ATXN1: variants seen among roughly 807,000 people sequenced by gnomAD.
The protein encoded by ATXN1 is ataxin 1.
A neutral mutation model predicts 56.4 loss-of-function variants in ATXN1; 8 were observed. The ratio of observed to expected loss-of-function variants is 0.14; its 90% CI spans 0.08 to 0.26. The LOEUF is 0.26. Ranked by LOEUF, ATXN1 falls within the 10% of genes least tolerant of loss-of-function variation. The pLI, the probability that ATXN1 is intolerant of heterozygous loss-of-function variation, is 1.00. For synonymous variants in ATXN1, 514 were observed against 494.6 expected, an observed-to-expected ratio of 1.04 and a Z score of -0.52; for missense variants, 987 against 1,106.5, an observed-to-expected ratio of 0.89 and a Z score of 1.53.
intron 1 of ATXN1, among the ~76,000 whole-genome samples, chr6:16,758,637 A>G (rs960480638): frequency 1.3e-5 from 2 of 152,246 alleles, no homozygotes; most frequent in African/African-American, 2.4e-5. Flanking sequence ...TTCAGGCACA[A>G]GACAAACCCA....
intron 6 of ATXN1, among the ~76,000 whole-genome samples, chr6:16,457,962 T>TG (rs1320216082): frequency 2.0e-5 from 3 of 152,200 alleles, no homozygotes; most frequent in African/African-American, 7.2e-5. Context: ...AAGGTAGACC[T>TG]GGGAAAGTTT....
chr6:16,458,624 A>T (rs1759928310), intron 6 of ATXN1, among the ~76,000 whole-genome samples: 1 of 152,208 alleles, frequency 6.6e-6, no homozygotes, highest in Non-Finnish European at 1.5e-5. Context: ...AGCCTCAGTC[A>T]TGGCCCTCAG....
At chr6:16,522,425 G>A (rs187519127) in intron 5 of ATXN1, among the ~76,000 whole-genome samples, 9 of 152,192 alleles carry the variant, frequency 5.9e-5, no homozygotes, top group East Asian at 1.9e-4. Context: ...AAAAGAAATC[G>A]CAGAAAAATC....
chr6:16,575,191 G>T (rs1286023916), intron 4 of ATXN1, among the ~76,000 whole-genome samples: 1 of 151,920 alleles, frequency 6.6e-6, no homozygotes, highest in Non-Finnish European at 1.5e-5. Context: ...AAATGTTTGG[G>T]GTAGGGATAT....
chr6:16,387,770 G>A (rs545304421), intron 6 of ATXN1, among the ~76,000 whole-genome samples: 75 of 152,198 alleles, frequency 4.9e-4, no homozygotes, highest in Middle Eastern at 3.4e-3. Flanking sequence ...ATAAAATATC[G>A]AATCAGGCTA....
chr6:16,630,652 T>C (rs764231745), intron 3 of ATXN1, among the ~76,000 whole-genome samples: 2 of 152,208 alleles, frequency 1.3e-5, no homozygotes, highest in Non-Finnish European at 2.9e-5. Flanking sequence ...AAGCAATGCA[T>C]TATTAAAATG....
At chr6:16,521,944 G>T (rs988744231) in intron 5 of ATXN1, among the ~76,000 whole-genome samples, 1 of 152,206 alleles carries the variant, frequency 6.6e-6, no homozygotes, top group African/African-American at 2.4e-5. Context: ...ATCAGTATCA[G>T]TCTTGACCCT....
chr6:16,611,631 C>T (rs1040308253), intron 3 of ATXN1, among the ~76,000 whole-genome samples: 1 of 152,016 alleles, frequency 6.6e-6, no homozygotes, highest in South Asian at 2.1e-4. Context: ...AGTTTTACAA[C>T]TGTTAATACA....
At chr6:16,609,890 G>A (rs1019301267) in intron 3 of ATXN1, among the ~76,000 whole-genome samples, 5 of 152,052 alleles carry the variant, frequency 3.3e-5, no homozygotes, top group African/African-American at 7.2e-5. Context: ...AGACTTAGGC[G>A]TGAATGACAA....
At chr6:16,463,072 A>G (rs367596599) in intron 6 of ATXN1, among the ~76,000 whole-genome samples, 3 of 152,192 alleles carry the variant, frequency 2.0e-5, no homozygotes, top group East Asian at 1.9e-4. Context: ...TTTTTCTCCA[A>G]TGGGAAAATA....
chr6:16,448,707 C>A (rs895997637), intron 6 of ATXN1, among the ~76,000 whole-genome samples: 2 of 152,172 alleles, frequency 1.3e-5, no homozygotes, highest in Admixed American at 6.5e-5. Flanking sequence ...CCACCCTGTG[C>A]AACAATGCTC....
intron 3 of ATXN1, among the ~76,000 whole-genome samples, chr6:16,617,766 CAAAAA>C (rs397975811): frequency 1.1e-5 from 1 of 89,470 alleles, no homozygotes; most frequent in East Asian, 3.2e-4. Flanking sequence ...AACTCTGTCT[CAAAAA>C]AAAAAAAAAA....
intron 5 of ATXN1, among the ~76,000 whole-genome samples, chr6:16,494,878 A>C (rs1581800438): frequency 6.6e-6 from 1 of 152,196 alleles, no homozygotes; most frequent in East Asian, 1.9e-4. Context: ...GTAGCACAAC[A>C]GAAAGAACAG....
intron 6 of ATXN1, among the ~76,000 whole-genome samples, chr6:16,359,566 G>A (rs1331846556): frequency 2.0e-5 from 3 of 152,074 alleles, no homozygotes; most frequent in Non-Finnish European, 4.4e-5. Context: ...GAGACCTGCA[G>A]AATGACTTGC....
chr6:16,461,261 T>G (rs1554149561), intron 6 of ATXN1, among the ~76,000 whole-genome samples: 1 of 152,120 alleles, frequency 6.6e-6, no homozygotes, highest in Non-Finnish European at 1.5e-5. Context: ...GGGGGCATAG[T>G]TTTCTCCCCT....
intron 2 of ATXN1, among the ~76,000 whole-genome samples, chr6:16,683,793 T>G (rs545821667): frequency 6.6e-6 from 1 of 152,314 alleles, no homozygotes; most frequent in South Asian, 2.1e-4. Flanking sequence ...CCATGGGTAT[T>G]AACACTCCAG....
At chr6:16,603,657 A>G (rs1762950725) in intron 3 of ATXN1, among the ~76,000 whole-genome samples, 3 of 152,214 alleles carry the variant, frequency 2.0e-5, no homozygotes, top group African/African-American at 7.2e-5. Context: ...AAACACTGGC[A>G]GAAGTTTAGA....
chr6:16,301,509 T>C lies in ATXN1; in HGVS notation c.*4820A>G, dbSNP rs1436577961. The C allele has an allele frequency of 6.6e-6, 1 of 152,484 alleles. No homozygotes were observed. Among genetic ancestry groups the C allele is most frequent in the Admixed American group, 6.6e-5 (1 of 15,266 alleles). The allele number at this position is 152,484 out of a possible 1,614,324, so 9.4% of individuals were successfully genotyped here. On this transcript the variant is annotated 3_prime_UTR_variant, in exon 8 of 8. Coordinates refer to ENST00000436367, the MANE Select transcript of ATXN1 (RefSeq NM_001128164.2). ...ATAAAAAAGTATATTCTCTGTATAT[T>C]TATTACTTGATGTGTTCTTAAATTC...
At chr6:16,497,640 T>C (rs1351772350) in intron 5 of ATXN1, among the ~76,000 whole-genome samples, 1 of 152,224 alleles carries the variant, frequency 6.6e-6, no homozygotes, top group African/African-American at 2.4e-5. Flanking sequence ...AGACTTAACA[T>C]TCCTTGGTGA....
Sources: allele counts gnomAD v4.1 joint callset (sites outside exome capture counted in the v4.1 genomes callset), GRCh38; gene constraint gnomAD v4.1.1; transcripts MANE v1.5; gene names NCBI Gene and HGNC (gene_info 2026-07-23, HGNC 2026-07-21).